Variants in CNTNAP4 observed in about 807,000 individuals in gnomAD.
The protein encoded by CNTNAP4 is contactin associated protein family member 4, also known as contactin-associated protein-like 4.
A neutral mutation model predicts 148.4 loss-of-function variants in CNTNAP4; 98 were observed. That is an observed-to-expected ratio of 0.66 (90% CI 0.56 to 0.78). The LOEUF is 0.78. Ranked by LOEUF, CNTNAP4 falls within the 30% of genes least tolerant of loss-of-function variation. The pLI, the probability that CNTNAP4 is intolerant of heterozygous loss-of-function variation, is 0.00. For missense variants in CNTNAP4, 1,935 were observed against 1,565.6 expected, an observed-to-expected ratio of 1.24 and a Z score of -3.98; for synonymous variants, 730 against 565.1, an observed-to-expected ratio of 1.29 and a Z score of -4.14.
chr16:76,500,484 C>T (rs2082589875), intron 15 of CNTNAP4, among the ~76,000 whole-genome samples: 1 of 152,184 alleles, frequency 6.6e-6, no homozygotes, highest in Non-Finnish European at 1.5e-5. Context: ...AGCCTCAGTG[C>T]TAAACACAGT....
At chr16:76,283,858 AT>A (rs1284173021) in intron 1 of CNTNAP4, among the ~76,000 whole-genome samples, 2 of 152,044 alleles carry the variant, frequency 1.3e-5, no homozygotes, top group Non-Finnish European at 2.9e-5. Flanking sequence ...CCTTTAAAAA[AT>A]ATTTTCATTT....
At chr16:76,395,710 G>C (rs1234892614) in intron 3 of CNTNAP4, among the ~76,000 whole-genome samples, 1 of 151,074 alleles carries the variant, frequency 6.6e-6, no homozygotes, top group Non-Finnish European at 1.5e-5. Flanking sequence ...CAGCATCACT[G>C]TGTCCCCTGA....
chr16:76,484,981 A>G (rs1396023065), intron 12 of CNTNAP4, among the ~76,000 whole-genome samples: 1 of 152,224 alleles, frequency 6.6e-6, no homozygotes, highest in Admixed American at 6.5e-5. Context: ...AAAAATCTCT[A>G]TTTTGAATGG....
chr16:76,413,501 T>C (rs907160319), intron 3 of CNTNAP4, among the ~76,000 whole-genome samples: 8 of 151,226 alleles, frequency 5.3e-5, no homozygotes, highest in Admixed American at 3.3e-4. Flanking sequence ...GTGATCTGTT[T>C]GAAGAACCTG....
chr16:76,558,249 G>T (rs764789500), intron 23 of CNTNAP4: 1 of 385,354 alleles, frequency 2.6e-6, no homozygotes, highest in East Asian at 4.3e-5. Flanking sequence ...AAGTAAATCC[G>T]ATATAATATG....
At chr16:76,511,610 A>T (rs1178182615) in intron 15 of CNTNAP4, among the ~76,000 whole-genome samples, 1 of 152,130 alleles carries the variant, frequency 6.6e-6, no homozygotes, top group Admixed American at 6.5e-5. Context: ...ATAATTCTCT[A>T]TTATAACATT....
At chr16:76,481,215 C>A (rs929262198) in intron 12 of CNTNAP4, among the ~76,000 whole-genome samples, 2 of 152,156 alleles carry the variant, frequency 1.3e-5, no homozygotes. Flanking sequence ...GTATTGATCT[C>A]CTCCTCATCA....
Position 76,467,277 on chromosome 16 carries a change from T to G in CNTNAP4, c.1484-75T>G. 2.3e-6 allele frequency: 3 copies of G among 1,328,998 alleles called. No individual in the cohort carries two copies. In the South Asian group the frequency reaches 3.9e-5, roughly 17 times the overall value. 82.3% of individuals were successfully genotyped at this position (1,328,998 alleles called of 1,614,324 possible). ...TAATCATATGCCTCTTTCTTTTATT[T>G]TTTAAATGAAGTTATCTATGATCCT... is the stretch of plus-strand genomic sequence containing the variant. On this transcript the variant is annotated intron_variant, in intron 9 of 23. Transcript: ENST00000611870.
chr16:76,429,480 TAGAG>T (rs1441371893), intron 4 of CNTNAP4, among the ~76,000 whole-genome samples: 2 of 152,210 alleles, frequency 1.3e-5, no homozygotes, highest in African/African-American at 4.8e-5. Flanking sequence ...ACCCATTTAT[TAGAG>T]AGAAAACTGG....
rs1165372623 is a variant in CNTNAP4, at chr16:76,440,092, A to C, written c.539-7920A>C. On this transcript the variant is annotated intron_variant, in intron 4 of 23. Transcript: ENST00000611870. ...TTTCAAATAAATAAACAGTATGATC[A>C]GTGTTTAAGGCTGACTTCATTTTTA... Among the ~76,000 whole-genome samples, 8 of 152,288 alleles carry C rather than the reference A, an allele frequency of 5.3e-5. No individual in the cohort carries two copies. In the East Asian group the frequency reaches 1.5e-3, roughly 29 times the overall value.
rs552373741 is a variant in CNTNAP4, at chr16:76,349,009, G to A, written c.197-6309G>A. Among the ~76,000 whole-genome samples, 7 of 152,090 alleles carry A rather than the reference G, an allele frequency of 4.6e-5. No homozygotes were observed. In the South Asian group the frequency reaches 6.2e-4, roughly 14 times the overall value. ...CAGGAGAGAGGAGAATTGCTAAAGC[G>A]GTGACCGTGAGAAGGATCAGCACAA... On this transcript the variant is annotated intron_variant, in intron 2 of 23. Transcript: ENST00000611870.
chr16:76,290,637 GA>G (rs1959076239), intron 1 of CNTNAP4, among the ~76,000 whole-genome samples: 1 of 152,224 alleles, frequency 6.6e-6, no homozygotes, highest in East Asian at 1.9e-4. Context: ...AAATCACAAA[GA>G]AAATCCAACT....
At chr16:76,444,834 T>C (rs1263508514) in intron 4 of CNTNAP4, among the ~76,000 whole-genome samples, 2 of 152,206 alleles carry the variant, frequency 1.3e-5, no homozygotes, top group Non-Finnish European at 2.9e-5. Flanking sequence ...GATAATGTAC[T>C]CGCATTGTGA....
intron 4 of CNTNAP4, among the ~76,000 whole-genome samples, chr16:76,441,729 A>G (rs989605873): frequency 2.0e-5 from 3 of 152,190 alleles, no homozygotes; most frequent in Non-Finnish European, 4.4e-5. Flanking sequence ...TTAAAGAGTC[A>G]CAAATACACC....
rs752001295 is a variant in CNTNAP4, at chr16:76,540,712, A to C, written c.3364A>C (p.Asn1122His). The change falls in exon 21 of 24, where the codon AAT becomes CAT. Residue 1122 changes from asparagine to histidine, a missense_variant. Coordinates refer to ENST00000611870, the MANE Select transcript of CNTNAP4 (RefSeq NM_033401.5). ...EGVVFIEIDD[N>H]RRRQVHLSSG... ...TGTAATAATTTTGTAGATTGACGAT[A>C]ATAGAAGGAGACAAGTTCACCTGTC... 1.9e-6 allele frequency: 3 copies of C among 1,566,310 alleles called. No homozygotes were observed. Among genetic ancestry groups the C allele is most frequent in the Middle Eastern group, 1.7e-4 (1 of 5,990 alleles).
chr16:76,551,759 A>G (rs1176661345), intron 21 of CNTNAP4, among the ~76,000 whole-genome samples: 3 of 152,138 alleles, frequency 2.0e-5, no homozygotes, highest in Non-Finnish European at 4.4e-5. Flanking sequence ...CATAATATAC[A>G]CTCATATATA....
chr16:76,294,342 T>TA (rs917324703), intron 1 of CNTNAP4, among the ~76,000 whole-genome samples: 5 of 152,272 alleles, frequency 3.3e-5, no homozygotes, highest in African/African-American at 1.2e-4. Context: ...TCATTTCTCT[T>TA]AAAAATCAAT....
At chr16:76,335,073 G>T (rs1356175109) in intron 2 of CNTNAP4, among the ~76,000 whole-genome samples, 1 of 152,098 alleles carries the variant, frequency 6.6e-6, no homozygotes, top group Non-Finnish European at 1.5e-5. Flanking sequence ...TTGGGAGACG[G>T]TTATCAAACT....
At chr16:76,388,174 G>C (rs1339599131) in intron 3 of CNTNAP4, among the ~76,000 whole-genome samples, 7 of 152,106 alleles carry the variant, frequency 4.6e-5, no homozygotes, top group Admixed American at 4.6e-4. Context: ...GCATCTTGTG[G>C]TGTCAGAGAC....
Sources: allele counts gnomAD v4.1 joint callset (sites outside exome capture counted in the v4.1 genomes callset), GRCh38; gene constraint gnomAD v4.1.1; transcripts MANE v1.5; gene names NCBI Gene and HGNC (gene_info 2026-07-23, HGNC 2026-07-21).